AMACR: variants seen among roughly 807,000 people sequenced by gnomAD.
The protein encoded by AMACR is alpha-methylacyl-CoA racemase.
In AMACR, 18 loss-of-function variants were observed where a neutral mutation model predicts 22.2. The observed-to-expected ratio is 0.81, with a 90% CI of 0.56 to 1.20. The LOEUF is 1.20. Ranked by LOEUF, AMACR falls within the 50% of genes most tolerant of loss-of-function variation. The pLI, the probability that AMACR is intolerant of heterozygous loss-of-function variation, is 0.00. For missense variants in AMACR, 499 were observed against 490.6 expected, an observed-to-expected ratio of 1.02 and a Z score of -0.16; for synonymous variants, 213 against 191.3, an observed-to-expected ratio of 1.11 and a Z score of -0.94.
rs1039533203 is a variant in AMACR, at chr5:33,986,758, C to T, written c.*2335G>A. 4 of 152,266 alleles carry T rather than the reference C, an allele frequency of 2.6e-5. No homozygotes were observed. Among genetic ancestry groups the T allele is most frequent in the Non-Finnish European group, 5.9e-5 (4 of 68,114 alleles). 9.4% of individuals were successfully genotyped at this position (152,266 alleles called of 1,614,324 possible). ...GTCTATGTCTCCAAGGTGGGTGCAG[C>T]AACTTTGGCTTCTGGGTCCAAGTAC... On this transcript the variant is annotated 3_prime_UTR_variant, in exon 5 of 5. Transcript: ENST00000335606.
Position 33,987,424 on chromosome 5 carries a change from G to C in AMACR, c.*1669C>G, listed in dbSNP as rs1344650859. On this transcript the variant is annotated 3_prime_UTR_variant, in exon 5 of 5. Coordinates refer to ENST00000335606, the MANE Select transcript of AMACR (RefSeq NM_014324.6). Reference sequence around the variant, plus strand: ...TTTCAACTGGTATTTCTAAAACTGTGCCAAGGCACCCAGGGCATTAGAGTG... The same window carrying C: ...TTTCAACTGGTATTTCTAAAACTGTCCCAAGGCACCCAGGGCATTAGAGTG... The C allele has an allele frequency of 6.6e-6, 1 of 152,216 alleles. No individual in the cohort carries two copies. The highest frequency in any genetic ancestry group is 1.5e-5 in the Non-Finnish European group (1 of 68,036). The allele number at this position is 152,216 out of a possible 1,614,324, so 9.4% of individuals were successfully genotyped here.
intron 4 of AMACR, among the ~76,000 whole-genome samples, chr5:33,992,535 C>T (rs1320678922): frequency 1.3e-5 from 2 of 151,766 alleles, no homozygotes; most frequent in African/African-American, 4.8e-5. Context: ...TAGTAAAGTC[C>T]CTGTCTCTAC....
intron 1 of AMACR, 53 bp from the exon 2 acceptor site, chr5:34,005,952 T>A: frequency 1.3e-6 from 2 of 1,597,058 alleles, no homozygotes; most frequent in Admixed American, 1.7e-5. Flanking sequence ...AGGATGGAGA[T>A]AATCCCTTCT....
Position 33,986,954 on chromosome 5 carries a change from T to A in AMACR, c.*2139A>T, listed in dbSNP as rs1316107777. The A allele has an allele frequency of 1.3e-5, 2 of 152,096 alleles. No homozygotes were observed. Among genetic ancestry groups the A allele is most frequent in the African/African-American group, 4.8e-5 (2 of 41,342 alleles). The allele number at this position is 152,096 out of a possible 1,614,324, so 9.4% of individuals were successfully genotyped here. ...AGACTTCGAGTGGGTTATATTTTCC[T>A]TGCTGGACCGAGTTCAAATGAAAAG... On this transcript the variant is annotated 3_prime_UTR_variant, in exon 5 of 5. Coordinates refer to ENST00000335606, the MANE Select transcript of AMACR (RefSeq NM_014324.6).
At chr5:34,002,748 G>A (rs945597873) in intron 3 of AMACR, among the ~76,000 whole-genome samples, 6 of 152,144 alleles carry the variant, frequency 3.9e-5, no homozygotes, top group African/African-American at 9.7e-5. Flanking sequence ...GTATAAATCC[G>A]GTGCTGCTAT....
At chr5:34,002,169 T>C (rs1753838631) in intron 3 of AMACR, among the ~76,000 whole-genome samples, 1 of 152,076 alleles carries the variant, frequency 6.6e-6, no homozygotes, top group South Asian at 2.1e-4. Context: ...GCTACTTTTT[T>C]GTATTTTAGT....
chr5:33,995,342 T>G (rs1346293744), intron 4 of AMACR, among the ~76,000 whole-genome samples: 1 of 152,184 alleles, frequency 6.6e-6, no homozygotes, highest in Admixed American at 6.5e-5. Context: ...GTGCTTCCCT[T>G]AAGTGAAAAG....
In AMACR at chr5:33,989,418, A is replaced by G. The variant is rs201272265; in HGVS notation, c.824T>C (p.Phe275Ser). 5.0e-6 allele frequency: 8 copies of G among 1,614,152 alleles called. No individual in the cohort carries two copies. The highest frequency in any genetic ancestry group is 5.1e-6 in the Non-Finnish European group (6 of 1,179,998). ...CCACTCTGCCTTCGTCTTCTCTGCA[A>G]ATACATCTGCAAACTTCTTCTTCAT... Reference protein sequence around the residue: ...PEMKKKFADVFAEKTKAEWCQ... With the variant: ...PEMKKKFADVSAEKTKAEWCQ... The change falls in exon 5 of 5, where the codon TTT becomes TCT. Residue 275 changes from phenylalanine to serine, a missense_variant. Coordinates refer to ENST00000335606, the MANE Select transcript of AMACR (RefSeq NM_014324.6).
chr5:34,002,756 T>C (rs545618652), intron 3 of AMACR, among the ~76,000 whole-genome samples: 1 of 152,310 alleles, frequency 6.6e-6, no homozygotes, highest in South Asian at 2.1e-4. Flanking sequence ...CCGGTGCTGC[T>C]ATCTCATGCA....
chr5:33,988,948 A>G lies in AMACR; in HGVS notation c.*145T>C, dbSNP rs188193261. On this transcript the variant is annotated 3_prime_UTR_variant, in exon 5 of 5. Transcript: ENST00000335606. ...ATTTTTAGAATTCAATCATCACTGTAGAATCAGAGTCTGTAATTCTTTTCT... is the reference window on the plus strand; with the variant it reads ...ATTTTTAGAATTCAATCATCACTGTGGAATCAGAGTCTGTAATTCTTTTCT... The G allele has an allele frequency of 6.1e-6, 9 of 1,485,642 alleles. No homozygotes were observed. The Admixed American group carries it at 1.6e-4, about 27-fold the overall frequency. 92.0% of individuals were successfully genotyped at this position (1,485,642 alleles called of 1,614,324 possible). A position where few individuals can be genotyped will look rare whatever the true frequency, so the allele number is the denominator to read the frequency against.
chr5:34,004,417 TAA>T (rs1753907726), intron 3 of AMACR, among the ~76,000 whole-genome samples, 155 bp downstream of exon 3: 1 of 152,168 alleles, frequency 6.6e-6, no homozygotes, highest in Non-Finnish European at 1.5e-5. Flanking sequence ...ATAAAAGACA[TAA>T]GTCTATTTTA....
intron 3 of AMACR, among the ~76,000 whole-genome samples, chr5:34,000,283 G>A (rs972017670): frequency 2.6e-5 from 4 of 152,132 alleles, no homozygotes; most frequent in East Asian, 1.9e-4. Context: ...TCAATAGGGC[G>A]GTAATAGATG....
intron 3 of AMACR, among the ~76,000 whole-genome samples, chr5:34,004,268 T>C (rs1753902023): frequency 6.6e-6 from 1 of 152,202 alleles, no homozygotes; most frequent in Non-Finnish European, 1.5e-5. Context: ...GTTGAAATAT[T>C]TAGGTTGGCA....
At position 33,987,824 on chromosome 5, in the gene AMACR, G is replaced by A. The variant is rs1439962329; in HGVS notation, c.*1269C>T. On this transcript the variant is annotated 3_prime_UTR_variant, in exon 5 of 5. Transcript: ENST00000335606. ...TTATGTGTATTATATTTTTCAAGCA[G>A]CTAATAAGTTGGTAGGACATAATAT... 1 of 152,294 alleles carries A rather than the reference G, an allele frequency of 6.6e-6. No individual in the cohort carries two copies. Among genetic ancestry groups the A allele is most frequent in the African/African-American group, 2.4e-5 (1 of 41,444 alleles). The allele number at this position is 152,294 out of a possible 1,614,324, so 9.4% of individuals were successfully genotyped here. A position where few individuals can be genotyped will look rare whatever the true frequency, so the allele number is the denominator to read the frequency against.
chr5:34,004,720 T>C lies in AMACR; in HGVS notation c.406A>G (p.Ile136Val), dbSNP rs138754975. The C allele has an allele frequency of 3.7e-6, 6 of 1,614,228 alleles. No individual in the cohort carries two copies. In the African/African-American group the frequency reaches 8.0e-5, roughly 22 times the overall value. ...TACGGATTCTCACCACTTCTGCCAA[T>C]TTTTGAGAGAACACCTACATCATTA... ...YLALSGVLSK[I>V]GRSGENPYAP... is the part of the protein sequence containing the mutation. The change falls in exon 3 of 5, where the codon ATT becomes GTT. Residue 136 changes from isoleucine (I) to valine (V), a missense_variant. By Grantham distance (29) the Ile-to-Val change is conservative. Coordinates refer to ENST00000335606, the MANE Select transcript of AMACR (RefSeq NM_014324.6).
At chr5:33,998,614 T>C (rs1753712131) in intron 4 of AMACR, 27 bp downstream of exon 4, 1 of 1,576,504 alleles carries the variant, frequency 6.3e-7, no homozygotes, top group South Asian at 1.2e-5. Context: ...AAAGGGGAAC[T>C]GGGGGAGACG....
At chr5:34,000,843 A>G (rs1753794087) in intron 3 of AMACR, among the ~76,000 whole-genome samples, 1 of 152,266 alleles carries the variant, frequency 6.6e-6, no homozygotes, top group African/African-American at 2.4e-5. Context: ...ACAAAATAAT[A>G]TATAAATATT....
In AMACR at chr5:33,986,689, AT is replaced by A. The variant is rs763126939; in HGVS notation, c.*2403del. 1.3e-5 allele frequency: 2 copies of A among 152,098 alleles called. No homozygotes were observed. Among genetic ancestry groups the A allele is most frequent in the Non-Finnish European group, 2.9e-5 (2 of 68,026 alleles). The allele number at this position is 152,098 out of a possible 1,614,324, so 9.4% of individuals were successfully genotyped here. On this transcript the variant is annotated 3_prime_UTR_variant, in exon 5 of 5. Coordinates refer to ENST00000335606, the MANE Select transcript of AMACR (RefSeq NM_014324.6). ...GAGAGAGAAGGAAAGAAGCCAGGAT[AT>A]TTCCCTAGATTTCTTTCTTCTCCCT...
intron 3 of AMACR, among the ~76,000 whole-genome samples, chr5:34,001,560 G>C (rs1394560892): frequency 1.3e-5 from 2 of 152,140 alleles, no homozygotes; most frequent in Non-Finnish European, 2.9e-5. Flanking sequence ...AAACCTTTAG[G>C]TGGAACTTAA....
Sources: allele counts gnomAD v4.1 joint callset (sites outside exome capture counted in the v4.1 genomes callset), GRCh38; gene constraint gnomAD v4.1.1; transcripts MANE v1.5; gene names NCBI Gene and HGNC (gene_info 2026-07-23, HGNC 2026-07-21).